Variants in PPP4R3B observed in about 807,000 individuals in gnomAD.
PPP4R3B encodes the protein serine/threonine-protein phosphatase 4 regulatory subunit 3B.
A neutral mutation model predicts 95.4 loss-of-function variants in PPP4R3B; 52 were observed. That is an observed-to-expected ratio of 0.54 (90% CI 0.44 to 0.69). PPP4R3B has a LOEUF of 0.69. Among genes scored for constraint, PPP4R3B ranks in the 30% least tolerant of loss-of-function variants. PPP4R3B has a pLI of 0.00. For missense variants in PPP4R3B, 1,003 were observed against 1,005.9 expected (o/e 1.00, Z 0.04); for synonymous variants, 407 against 343.9 (o/e 1.18, Z -2.03).
intron 2 of PPP4R3B, among the ~76,000 whole-genome samples, chr2:55,611,099 T>G (rs1355237385): frequency 1.2e-4 from 18 of 152,196 alleles, no homozygotes; most frequent in Non-Finnish European, 2.4e-4. Context: ...TGGACTAAAG[T>G]GATCCTCCTG....
At chr2:55,570,871 G>T (rs535711483) in intron 12 of PPP4R3B, among the ~76,000 whole-genome samples, 9 of 152,164 alleles carry the variant, frequency 5.9e-5, no homozygotes, top group Admixed American at 5.2e-4. Context: ...TACTTAAGAT[G>T]CAAAAGACTG....
chr2:55,597,252 C>T (rs765922741), intron 4 of PPP4R3B, among the ~76,000 whole-genome samples: 6 of 151,786 alleles, frequency 4.0e-5, no homozygotes, highest in East Asian at 3.9e-4. Flanking sequence ...TTTGGGAGGC[C>T]GGGGCAGGTG....
intron 1 of PPP4R3B, among the ~76,000 whole-genome samples, chr2:55,616,822 T>C (rs1339529617): frequency 6.6e-6 from 1 of 151,930 alleles, no homozygotes; most frequent in Non-Finnish European, 1.5e-5. Context: ...GAGGAAGGTG[T>C]CAGCTCCTAG....
At position 55,587,295 on chromosome 2, in the gene PPP4R3B, G is replaced by C. The variant is rs115893199; in HGVS notation, c.1000-561C>G. 8.7e-3 allele frequency among the ~76,000 whole-genome samples: 1,327 copies of C among 152,330 alleles called. 14 individuals are homozygous for C. Among genetic ancestry groups the C allele is most frequent in the African/African-American group, 0.029 (1,213 of 41,578 alleles). On this transcript the variant is annotated intron_variant, in intron 5 of 16. Coordinates refer to ENST00000616407, the MANE Select transcript of PPP4R3B (RefSeq NM_001122964.3). ...AGGTGCCAGGATACTCTGAAATGAT[G>C]ACATCTGGCGGGGCACAGTGGCTCA...
chr2:55,594,788 C>T (rs1691536394), intron 4 of PPP4R3B, among the ~76,000 whole-genome samples: 2 of 152,044 alleles, frequency 1.3e-5, no homozygotes, highest in African/African-American at 4.8e-5. Context: ...TACACAGGTC[C>T]TATATATTAT....
In PPP4R3B at chr2:55,598,461, C is replaced by T. The variant is rs776555389; in HGVS notation, c.876G>A (p.Thr292=). 1.7e-5 allele frequency: 28 copies of T among 1,613,854 alleles called. No homozygotes were observed. The highest frequency in any genetic ancestry group is 1.6e-4 in the Middle Eastern group (1 of 6,084). Residue 292 remains threonine, a synonymous_variant, in exon 4 of 17, where the codon ACG becomes ACA. Coordinates refer to ENST00000616407, the MANE Select transcript of PPP4R3B (RefSeq NM_001122964.3). ...CAACTTTGTTGAAGAAAATAAAAGA[C>T]GTAAGAGTAGAAAGAAAATTCTCTT... ...VFEENFLSTL[T]SFIFFNKVEI...
rs56335466 is a variant in PPP4R3B at position 55,574,639 on chromosome 2, G to A, written c.1607-862C>T. On this transcript the variant is annotated intron_variant, in intron 11 of 16. Coordinates refer to ENST00000616407, the MANE Select transcript of PPP4R3B (RefSeq NM_001122964.3). ...TACAGAGTCTTGCTCTGTCGCCCAG[G>A]CTGGAGTGCAGTGGCGCGATCTTGG... 1.6e-3 allele frequency among the ~76,000 whole-genome samples: 241 copies of A among 150,942 alleles called. 2 individuals carry two copies. The Middle Eastern group carries it at 0.024, about 15-fold the overall frequency.
chr2:55,549,756 A>G lies in PPP4R3B; in HGVS notation c.*155T>C. 1 of 602,710 alleles carries G rather than the reference A, an allele frequency of 1.7e-6. No individual in the cohort carries two copies. Among genetic ancestry groups the G allele is most frequent in the East Asian group, 3.1e-5 (1 of 32,132 alleles). 37.3% of individuals were successfully genotyped at this position (602,710 alleles called of 1,614,324 possible). A position where few individuals can be genotyped will look rare whatever the true frequency, so the allele number is the denominator to read the frequency against. ...CAAGTTCCTGGGAAGCCTGATTTTT[A>G]TTAGAACTAAACTCTCTTAGCTGAT... On this transcript the variant is annotated 3_prime_UTR_variant, in exon 17 of 17. Transcript: ENST00000616407.
intron 7 of PPP4R3B, among the ~76,000 whole-genome samples, chr2:55,582,285 C>T (rs530561977): frequency 2.6e-5 from 4 of 152,078 alleles, no homozygotes; most frequent in African/African-American, 9.6e-5. Context: ...TTTATTGAAA[C>T]GGAGTCTCGT....
chr2:55,591,436 C>T (rs1055004035), intron 4 of PPP4R3B: 5 of 811,888 alleles, frequency 6.2e-6, no homozygotes, highest in South Asian at 5.6e-5. Flanking sequence ...AGCCACCATG[C>T]CCAGCCTACT....
rs1212981227 is a variant in PPP4R3B at position 55,547,520 on chromosome 2, CTT to C, written c.*2389_*2390del. ...TGAGGGATATTTTAAGCCTTGTTCT[CTT>C]ATCGTCGTAGGTAAGCACTTGTACC... On this transcript the variant is annotated 3_prime_UTR_variant, in exon 17 of 17. Coordinates refer to ENST00000616407, the MANE Select transcript of PPP4R3B (RefSeq NM_001122964.3). 1 of 152,192 alleles carries C rather than the reference CTT, an allele frequency of 6.6e-6. No individual in the cohort carries two copies. Among genetic ancestry groups the C allele is most frequent in the Admixed American group, 6.5e-5 (1 of 15,274 alleles). The allele number at this position is 152,192 out of a possible 1,614,324, so 9.4% of individuals were successfully genotyped here.
At position 55,584,277 on chromosome 2, in the gene PPP4R3B, G is replaced by A. The variant is rs184771122; in HGVS notation, c.1233+774C>T. On this transcript the variant is annotated intron_variant, in intron 7 of 16. Coordinates refer to ENST00000616407, the MANE Select transcript of PPP4R3B (RefSeq NM_001122964.3). ...TCATTTTGTCCTTAAAATAGCTTAA[G>A]GGGAAAATTTAAATATATCAGTAGT... Among the ~76,000 whole-genome samples the A allele has an allele frequency of 1.2e-3, 185 of 152,204 alleles. 1 individual carries two copies. The highest frequency in any genetic ancestry group is 0.01 in the Middle Eastern group (3 of 294).
At chr2:55,614,560 T>C (rs1219423120) in intron 2 of PPP4R3B, 2 of 152,160 alleles carry the variant, frequency 1.3e-5, no homozygotes, top group Non-Finnish European at 2.9e-5. Flanking sequence ...TATTTATGGA[T>C]ACATACATAT....
intron 15 of PPP4R3B, among the ~76,000 whole-genome samples, chr2:55,563,104 C>T (rs1037110848): frequency 9.2e-5 from 14 of 152,184 alleles, no homozygotes; most frequent in African/African-American, 3.1e-4. Flanking sequence ...TGACAATAGT[C>T]AGGGCAGTAC....
chr2:55,557,564 A>G (rs1350127398), intron 16 of PPP4R3B, among the ~76,000 whole-genome samples: 3 of 152,218 alleles, frequency 2.0e-5, no homozygotes, highest in African/African-American at 7.2e-5. Flanking sequence ...TTCCAGTTGA[A>G]AAACATAAAA....
At chr2:55,565,778 G>T (rs1164692431) in intron 13 of PPP4R3B, 2 of 201,598 alleles carry the variant, frequency 9.9e-6, no homozygotes, top group East Asian at 2.3e-4. Context: ...TATCATATAG[G>T]AGCTGGCAAA....
rs571998912 is a variant in PPP4R3B at position 55,559,847 on chromosome 2, C to T, written c.2261-879G>A. ...ATAAAGATACCTGAAAATGGCAGGG[C>T]GCAGTGGCTCACGCCTGTAATCCCA... On this transcript the variant is annotated intron_variant, in intron 15 of 16. Coordinates refer to ENST00000616407, the MANE Select transcript of PPP4R3B (RefSeq NM_001122964.3). 8.5e-5 allele frequency among the ~76,000 whole-genome samples: 13 copies of T among 152,262 alleles called. No individual in the cohort carries two copies. The South Asian group carries it at 1.2e-3, about 15-fold the overall frequency.
intron 11 of PPP4R3B, among the ~76,000 whole-genome samples, chr2:55,576,162 C>A (rs1438957512): frequency 6.6e-6 from 1 of 152,002 alleles, no homozygotes; most frequent in Admixed American, 6.6e-5. Context: ...TTCTGGCCAA[C>A]ATGGTGAAAC....
At chr2:55,613,474 C>T (rs1694473126) in intron 2 of PPP4R3B, among the ~76,000 whole-genome samples, 1 of 151,716 alleles carries the variant, frequency 6.6e-6, no homozygotes, top group South Asian at 2.1e-4. Context: ...TGCATTTTTT[C>T]CAATACTTTA....
Sources: gnomAD v4.1 joint callset for allele counts (sites outside exome capture counted in the v4.1 genomes callset) on GRCh38, gnomAD v4.1.1 for gene constraint, MANE v1.5 for transcripts, NCBI Gene and HGNC (gene_info 2026-07-23, HGNC 2026-07-21) for gene names.